ADAMTS14: variants seen among roughly 807,000 people sequenced by gnomAD.
ADAMTS14 encodes A disintegrin and metalloproteinase with thrombospondin motifs 14.
ADAMTS14 carries 100 observed loss-of-function variants against 128.6 expected under a neutral mutation model. The observed-to-expected ratio is 0.78, with a 90% CI of 0.66 to 0.92. The LOEUF is 0.92. Ranked by LOEUF, ADAMTS14 falls within the 40% of genes least tolerant of loss-of-function variation. ADAMTS14 has a pLI of 0.00. For synonymous variants in ADAMTS14, 665 were observed against 653.8 expected, an observed-to-expected ratio of 1.02 and a Z score of -0.26; for missense variants, 1,562 against 1,658.6, an observed-to-expected ratio of 0.94 and a Z score of 1.01.
intron 13 of ADAMTS14, 33 bp downstream of exon 13, chr10:70,743,714 C>A: frequency 1.1e-5 from 17 of 1,536,782 alleles, no homozygotes; most frequent in Non-Finnish European, 1.5e-5. Flanking sequence ...CGACTACCGG[C>A]ACAGGGAGAC....
chr10:70,761,079 C>G lies in ADAMTS14; in HGVS notation c.*226C>G, dbSNP rs41278004. On this transcript the variant is annotated 3_prime_UTR_variant, in exon 22 of 22. Coordinates refer to ENST00000373207, the MANE Select transcript of ADAMTS14 (RefSeq NM_080722.4). Reference sequence around the variant, plus strand: ...CGGAGATACCTCAGCAAGCTGCCCCCGGCGGGACTGACCCTCTCAGGGCCC... The same window carrying G: ...CGGAGATACCTCAGCAAGCTGCCCCGGGCGGGACTGACCCTCTCAGGGCCC... 5.9e-5 allele frequency: 36 copies of G among 612,660 alleles called. No homozygotes were observed. In the South Asian group the frequency reaches 9.7e-4, roughly 17 times the overall value. The allele number at this position is 612,660 out of a possible 1,614,324, so 38.0% of individuals were successfully genotyped here.
At chr10:70,706,326 G>A (rs569091387) in intron 3 of ADAMTS14, among the ~76,000 whole-genome samples, 1 of 152,362 alleles carries the variant, frequency 6.6e-6, no homozygotes, top group South Asian at 2.1e-4. Flanking sequence ...GGGCGAGTGG[G>A]GTAACCTCTC....
intron 10 of ADAMTS14, 53 bp from the exon 11 acceptor site, chr10:70,738,789 T>G: frequency 1.2e-6 from 2 of 1,610,856 alleles, no homozygotes; most frequent in Non-Finnish European, 1.7e-6. Flanking sequence ...GCTCCCCGGG[T>G]GGGCTCAGCA....
At chr10:70,716,766 T>C (rs1439376138) in intron 4 of ADAMTS14, among the ~76,000 whole-genome samples, 1 of 152,106 alleles carries the variant, frequency 6.6e-6, no homozygotes, top group African/African-American at 2.4e-5. Context: ...GATGGTCCCA[T>C]TGTGCTCTCA....
intron 2 of ADAMTS14, among the ~76,000 whole-genome samples, chr10:70,699,615 G>C (rs776540392): frequency 5.9e-5 from 9 of 152,310 alleles, no homozygotes; most frequent in South Asian, 4.1e-4. Context: ...CCAGAAGGAG[G>C]GGGTGGGCTG....
At chr10:70,699,118 T>C (rs972389499) in intron 2 of ADAMTS14, among the ~76,000 whole-genome samples, 1 of 151,988 alleles carries the variant, frequency 6.6e-6, no homozygotes, top group South Asian at 2.1e-4. Flanking sequence ...AGGAAAGCCA[T>C]GTTTTCTTGC....
chr10:70,740,989 C>T lies in ADAMTS14; in HGVS notation c.1751C>T (p.Pro584Leu), dbSNP rs1799873114. The change falls in exon 12 of 22, where the codon CCA (proline) becomes CTA (leucine). Residue 584 changes from proline to leucine, a missense_variant and splice_region_variant. Pro to Leu is a moderately conservative substitution (Grantham distance 98, BLOSUM62 -3). Transcript: ENST00000373207. Reference protein sequence around the residue: ...SRSRSCNNPSPAYGGRLCLGP... With the variant: ...SRSRSCNNPSLAYGGRLCLGP... ...CCATTTCTCTGTGTCTGTCCCAGCC[C>T]AGCCTATGGAGGCCGCCTGTGCTTA... 5 of 1,613,808 alleles carry T rather than the reference C, an allele frequency of 3.1e-6. No homozygotes were observed. Among genetic ancestry groups the T allele is most frequent in the Non-Finnish European group, 3.4e-6 (4 of 1,179,892 alleles).
intron 12 of ADAMTS14, among the ~76,000 whole-genome samples, chr10:70,742,932 C>G (rs180841194): frequency 1.3e-5 from 2 of 152,080 alleles, no homozygotes; most frequent in Non-Finnish European, 2.9e-5. Flanking sequence ...CTTTTTTTCA[C>G]GCAGCCTTCT....
Position 70,672,888 on chromosome 10 carries a change from C to T in ADAMTS14, c.82+4C>T. The T allele has an allele frequency of 6.8e-7, 1 of 1,481,198 alleles. No individual in the cohort carries two copies. The highest frequency in any genetic ancestry group is 8.9e-7 in the Non-Finnish European group (1 of 1,122,386). 91.8% of individuals were successfully genotyped at this position (1,481,198 alleles called of 1,614,324 possible). On this transcript the variant is annotated splice_donor_region_variant and intron_variant, in intron 1 of 21. Transcript: ENST00000373207. The stretch of plus-strand genomic sequence containing the variant: ...GCCGCGGGCAGCCGGACCCCAGGTG[C>T]GTGCGGGTTGGGCGCGCGGGGGCCC...
At position 70,760,520 on chromosome 10, in the gene ADAMTS14, C is replaced by G. The variant is rs773157857; in HGVS notation, c.3339C>G (p.Pro1113=). 1.2e-6 allele frequency: 2 copies of G among 1,613,764 alleles called. No homozygotes were observed. The highest frequency in any genetic ancestry group is 2.2e-5 in the East Asian group (1 of 44,880). The change falls in exon 22 of 22, where the codon CCC becomes CCG. Residue 1113 remains proline (P), a synonymous_variant. Transcript: ENST00000373207. ...ACCCTGGCCCAACCTCACTGCCCCC[C>G]TTCTCCACTCCTGGAAGCCCCTTAC... The part of the protein sequence containing the change: ...GPDPGPTSLP[P]FSTPGSPLPG...
chr10:70,728,598 C>T (rs1208029376), intron 4 of ADAMTS14, among the ~76,000 whole-genome samples: 1 of 152,236 alleles, frequency 6.6e-6, no homozygotes, highest in East Asian at 1.9e-4. Flanking sequence ...CAAAGGGCTG[C>T]ATTCTTTGAT....
intron 12 of ADAMTS14, among the ~76,000 whole-genome samples, chr10:70,741,845 A>G (rs1222466717): frequency 1.3e-5 from 2 of 152,178 alleles, no homozygotes; most frequent in East Asian, 1.9e-4. Context: ...GCATCCAGTG[A>G]AGGGTTGGGA....
At chr10:70,697,660 G>A (rs935552682) in intron 2 of ADAMTS14, among the ~76,000 whole-genome samples, 3 of 152,166 alleles carry the variant, frequency 2.0e-5, no homozygotes, top group Non-Finnish European at 2.9e-5. Flanking sequence ...TGGGTGACCC[G>A]CTGCACTTGC....
At chr10:70,743,378 A>G (rs896192767) in intron 12 of ADAMTS14, among the ~76,000 whole-genome samples, 170 bp from the exon 13 acceptor site, 3 of 152,198 alleles carry the variant, frequency 2.0e-5, no homozygotes, top group Admixed American at 1.3e-4. Flanking sequence ...CCAAGGTCAC[A>G]TGGCTAATAA....
In ADAMTS14 at chr10:70,708,697, G is replaced by A. The variant is rs374522846; in HGVS notation, c.789G>A (p.Val263=). The change falls in exon 4 of 22, where the codon GTG becomes GTA. Residue 263 remains valine, a synonymous_variant. Transcript: ENST00000373207. ...HAKPGSYSIE[V]LLVVDDSVVR... ...AGCCAGGCAGCTACAGCATCGAGGTGCTGCTGGTGGTGGACGACTCGGTGG... is the reference window on the plus strand; with the variant it reads ...AGCCAGGCAGCTACAGCATCGAGGTACTGCTGGTGGTGGACGACTCGGTGG... 5.6e-6 allele frequency: 9 copies of A among 1,613,794 alleles called. No individual in the cohort carries two copies. In the African/African-American group the frequency reaches 1.2e-4, roughly 22 times the overall value.
At chr10:70,673,807 A>G (rs921433423) in intron 1 of ADAMTS14, among the ~76,000 whole-genome samples, 1 of 152,110 alleles carries the variant, frequency 6.6e-6, no homozygotes, top group Non-Finnish European at 1.5e-5. Flanking sequence ...GGCTGGGCTC[A>G]AGGAGAGCTG....
At chr10:70,731,828 G>A (rs1841647901) in intron 6 of ADAMTS14, among the ~76,000 whole-genome samples, 1 of 152,178 alleles carries the variant, frequency 6.6e-6, no homozygotes, top group Non-Finnish European at 1.5e-5. Flanking sequence ...TGGGTAGCGG[G>A]GTGTTGCAGG....
At chr10:70,735,987 G>A (rs1480939969) in intron 9 of ADAMTS14, among the ~76,000 whole-genome samples, 2 of 152,234 alleles carry the variant, frequency 1.3e-5, no homozygotes, top group African/African-American at 4.8e-5. Context: ...CTTCACCTCC[G>A]TGGAATGGGG....
chr10:70,748,584 C>T (rs1842255173), intron 15 of ADAMTS14, among the ~76,000 whole-genome samples: 1 of 152,254 alleles, frequency 6.6e-6, no homozygotes, highest in South Asian at 2.1e-4. Flanking sequence ...GGCTCTGGCC[C>T]AGCTCCAACT....
Sources: allele counts gnomAD v4.1 joint callset (sites outside exome capture counted in the v4.1 genomes callset), GRCh38; gene constraint gnomAD v4.1.1; transcripts MANE v1.5; gene names NCBI Gene and HGNC (gene_info 2026-07-23, HGNC 2026-07-21).